GLIS3: variants seen among roughly 807,000 people sequenced by gnomAD.
The protein encoded by GLIS3 is GLIS family zinc finger 3, also known as zinc finger protein GLIS3.
Under a neutral mutation model 78.6 loss-of-function variants are expected in GLIS3, and 53 were observed. The ratio of observed to expected loss-of-function variants is 0.67; its 90% CI spans 0.54 to 0.85. The LOEUF (loss-of-function observed/expected upper bound fraction) is 0.85. Among genes scored for constraint, GLIS3 ranks in the 40% least tolerant of loss-of-function variants. GLIS3 has a pLI of 0.00. For synonymous variants in GLIS3, 684 were observed against 509.9 expected, an observed-to-expected ratio of 1.34 and a Z score of -4.60; for missense variants, 1,703 against 1,231.1, an observed-to-expected ratio of 1.38 and a Z score of -5.74.
At chr9:3,973,803 A>G (rs1818562559) in intron 4 of GLIS3, among the ~76,000 whole-genome samples, 1 of 152,176 alleles carries the variant, frequency 6.6e-6, no homozygotes, top group Admixed American at 6.6e-5. Context: ...CTTGAAAAAT[A>G]CACACCATTT....
intron 9 of GLIS3, among the ~76,000 whole-genome samples, chr9:3,843,738 C>T (rs760041926): frequency 6.6e-6 from 1 of 152,168 alleles, no homozygotes; most frequent in African/African-American, 2.4e-5. Flanking sequence ...CCCAGATCCA[C>T]AGATGCAAAG....
chr9:4,221,086 G>C (rs927770948), intron 2 of GLIS3, among the ~76,000 whole-genome samples: 1 of 152,030 alleles, frequency 6.6e-6, no homozygotes, highest in Non-Finnish European at 1.5e-5. Context: ...CATTTTCTAG[G>C]ACCTACACAC....
Position 4,118,212 on chromosome 9 carries a change from G to A in GLIS3, c.1266C>T (p.Ser422=). The change falls in exon 4 of 11, where the codon AGC becomes AGT. Residue 422 remains serine, a synonymous_variant. Coordinates refer to ENST00000381971, the MANE Select transcript of GLIS3 (RefSeq NM_001042413.2). This position sits in a 1 kb window ranked among gnomAD's most constrained non-coding sequence, Gnocchi z 4.7. ...CGGTCTTGAACAGGCCGGCCGACTG[G>A]CTGTCGGGGCCCGGCAGGCCATGCT... is the stretch of plus-strand genomic sequence containing the variant. The part of the protein sequence containing the change: ...VVQHGLPGPD[S]QSAGLFKTER... The A allele has an allele frequency of 1.3e-6, 2 of 1,584,142 alleles. No individual in the cohort carries two copies. Among genetic ancestry groups the A allele is most frequent in the African/African-American group, 1.3e-5 (1 of 74,548 alleles).
chr9:4,226,453 G>A (rs1821775460), intron 2 of GLIS3, among the ~76,000 whole-genome samples: 1 of 152,114 alleles, frequency 6.6e-6, no homozygotes, highest in Non-Finnish European at 1.5e-5. Flanking sequence ...AGAAAGACGA[G>A]CTCCTCCCAA....
At chr9:4,465,935 A>C in the GLIS3 span, among the ~76,000 whole-genome samples, 1 of 152,216 alleles carries the variant, frequency 6.6e-6, no homozygotes, top group Non-Finnish European at 1.5e-5. Context: ...TTTGAGAGTA[A>C]AAGATCACAG....
At chr9:4,119,346 A>C (rs1832009263) in intron 3 of GLIS3, among the ~76,000 whole-genome samples, 1 of 152,232 alleles carries the variant, frequency 6.6e-6, no homozygotes, top group Admixed American at 6.5e-5. Flanking sequence ...TGGGAAAGTA[A>C]CATATAAACT....
intron 2 of GLIS3, among the ~76,000 whole-genome samples, chr9:4,331,893 AAG>A (rs2130567424): frequency 6.6e-6 from 1 of 152,282 alleles, no homozygotes; most frequent in Non-Finnish European, 1.5e-5. Context: ...CAGGAACAAA[AAG>A]AAATTCAAAA....
the GLIS3 span, among the ~76,000 whole-genome samples, chr9:4,449,861 AAGGT>A: frequency 6.6e-6 from 1 of 152,210 alleles, no homozygotes; most frequent in South Asian, 2.1e-4. Context: ...TCAAGGACCA[AAGGT>A]AGATAAAACC....
At chr9:4,033,658 T>G (rs1373177531) in intron 4 of GLIS3, among the ~76,000 whole-genome samples, 2 of 152,024 alleles carry the variant, frequency 1.3e-5, no homozygotes, top group East Asian at 3.9e-4. Flanking sequence ...TCAATCAAAA[T>G]CTCTAGGTGA....
chr9:4,139,810 T>C (rs1833671666), intron 2 of GLIS3, among the ~76,000 whole-genome samples: 1 of 152,112 alleles, frequency 6.6e-6, no homozygotes, highest in Admixed American at 6.6e-5. Context: ...TCTATGAGAA[T>C]CTAATCCCAC....
In GLIS3 at chr9:4,125,724, A is replaced by G; in HGVS notation, c.596+10T>C. Reference sequence around the variant, plus strand: ...CATAAAGAAAGGGGAAAAAAAAGTTAACTTGAGACCTGGTATCTGAAGGAG... The same window carrying G: ...CATAAAGAAAGGGGAAAAAAAAGTTGACTTGAGACCTGGTATCTGAAGGAG... On this transcript the variant is annotated intron_variant, in intron 3 of 10. Transcript: ENST00000381971. 1.2e-6 allele frequency: 2 copies of G among 1,610,304 alleles called. No individual in the cohort carries two copies. The highest frequency in any genetic ancestry group is 1.7e-6 in the Non-Finnish European group (2 of 1,177,756).
chr9:4,216,262 G>C (rs1238879216), intron 2 of GLIS3, among the ~76,000 whole-genome samples: 1 of 151,964 alleles, frequency 6.6e-6, no homozygotes, highest in Non-Finnish European at 1.5e-5. Context: ...CATGAGGTCA[G>C]GAAATCGAGA....
chr9:4,391,492 C>T, the GLIS3 span, among the ~76,000 whole-genome samples: 2 of 152,080 alleles, frequency 1.3e-5, no homozygotes, highest in South Asian at 4.2e-4. Flanking sequence ...CCTGTGTCAC[C>T]TGGCACCAGG....
At chr9:4,450,843 A>G in the GLIS3 span, among the ~76,000 whole-genome samples, 1 of 152,224 alleles carries the variant, frequency 6.6e-6, no homozygotes. Flanking sequence ...AGAGCTCCTG[A>G]AGGAAGCACT....
chr9:4,290,568 C>G (rs960036962), intron 1 of GLIS3, among the ~76,000 whole-genome samples: 3 of 152,068 alleles, frequency 2.0e-5, no homozygotes, highest in African/African-American at 7.2e-5. Context: ...AAGTTATTCT[C>G]ATGCACGGCT....
At chr9:4,319,938 G>A (rs888500788) in intron 2 of GLIS3, among the ~76,000 whole-genome samples, 3 of 151,870 alleles carry the variant, frequency 2.0e-5, no homozygotes, top group African/African-American at 7.3e-5. Flanking sequence ...GATTTGTTTT[G>A]TTCGGCCTAT....
chr9:3,886,488 T>C (rs779714004), intron 7 of GLIS3, among the ~76,000 whole-genome samples: 2 of 152,210 alleles, frequency 1.3e-5, no homozygotes, highest in Non-Finnish European at 2.9e-5. Context: ...GTCAACACAA[T>C]TGTCCCTCTT....
At chr9:4,137,582 A>T (rs1376338308) in intron 2 of GLIS3, among the ~76,000 whole-genome samples, 8 of 64,870 alleles carry the variant, frequency 1.2e-4, no homozygotes, top group Non-Finnish European at 2.2e-4. Context: ...GGGCACTCCC[A>T]GTAAGATGAT....
chr9:4,371,695 A>G, the GLIS3 span, among the ~76,000 whole-genome samples: 1 of 152,004 alleles, frequency 6.6e-6, no homozygotes, highest in Non-Finnish European at 1.5e-5. Flanking sequence ...TCACTACTCC[A>G]TTGTGGCAAA....
Sources: gnomAD v4.1 joint callset for allele counts (sites outside exome capture counted in the v4.1 genomes callset) on GRCh38, gnomAD v4.1.1 for gene constraint, Gnocchi (gnomAD v3.1) non-coding constraint, MANE v1.5 for transcripts, NCBI Gene and HGNC (gene_info 2026-07-23, HGNC 2026-07-21) for gene names.